Variants in PTPRG observed in about 807,000 individuals in gnomAD.
The protein encoded by PTPRG is receptor-type tyrosine-protein phosphatase gamma.
PTPRG carries 102 observed loss-of-function variants against 165.3 expected under a neutral mutation model. The observed-to-expected ratio is 0.62, with a 90% CI of 0.53 to 0.73. The LOEUF (loss-of-function observed/expected upper bound fraction) is 0.73. Ranked by LOEUF, PTPRG falls within the 30% of genes least tolerant of loss-of-function variation. PTPRG has a pLI of 0.00. For missense variants in PTPRG, 1,866 were observed against 1,861.4 expected, an observed-to-expected ratio of 1.00 and a Z score of -0.05; for synonymous variants, 675 against 669.5, an observed-to-expected ratio of 1.01 and a Z score of -0.13.
intron 1 of PTPRG, among the ~76,000 whole-genome samples, chr3:61,740,592 A>G (rs2032938883): frequency 6.6e-6 from 1 of 152,092 alleles, no homozygotes; most frequent in African/African-American, 2.4e-5. Context: ...TAAGAGTAAA[A>G]TAATAGAGGA....
At position 62,190,817 on chromosome 3, in the gene PTPRG, G is replaced by C. The variant is rs1699791402; in HGVS notation, c.1034-652G>C. 6.6e-6 allele frequency among the ~76,000 whole-genome samples: 1 copy of C among 152,238 alleles called. No homozygotes were observed. Among genetic ancestry groups the C allele is most frequent in the Non-Finnish European group, 1.5e-5 (1 of 68,040 alleles). On this transcript the variant is annotated intron_variant, in intron 8 of 29. Coordinates refer to ENST00000474889, the MANE Select transcript of PTPRG (RefSeq NM_002841.4). This position sits in a 1 kb window ranked among gnomAD's most constrained non-coding sequence, Gnocchi z 5.2. The stretch of plus-strand genomic sequence containing the variant: ...CATGAAGAAAAAGGCTGTTGACCAT[G>C]AGGCTGAAGTCAGGGGGACACAGTG...
At chr3:61,882,882 C>G (rs1483330059) in intron 2 of PTPRG, among the ~76,000 whole-genome samples, 3 of 152,178 alleles carry the variant, frequency 2.0e-5, no homozygotes, top group Admixed American at 2.0e-4. Context: ...CAGTATTCAG[C>G]CTTCATTTTC....
At chr3:61,681,222 G>C (rs1290199098) in intron 1 of PTPRG, among the ~76,000 whole-genome samples, 1 of 152,130 alleles carries the variant, frequency 6.6e-6, no homozygotes. Context: ...TCTGCGTTTA[G>C]AATAAATGGC....
chr3:61,937,131 C>A lies in PTPRG; in HGVS notation c.191-52494C>A, dbSNP rs2039500910. On this transcript the variant is annotated intron_variant, in intron 2 of 29. Transcript: ENST00000474889. ...TGAGATGTAGCATCAAAGGAAATCA[C>A]TGGGGATATTCAGTTGCTAAAGTCT... 2.6e-5 allele frequency among the ~76,000 whole-genome samples: 4 copies of A among 152,310 alleles called. No homozygotes were observed. The South Asian group carries it at 8.3e-4, about 32-fold the overall frequency.
At chr3:62,172,733 G>GA (rs35728798) in intron 8 of PTPRG, among the ~76,000 whole-genome samples, 1 of 151,908 alleles carries the variant, frequency 6.6e-6, no homozygotes, top group Non-Finnish European at 1.5e-5. Flanking sequence ...ACTCTTCTGC[G>GA]AAAAAAAGTT....
chr3:61,817,226 A>G lies in PTPRG; in HGVS notation c.190+68244A>G, dbSNP rs112816916. 6.4e-5 allele frequency among the ~76,000 whole-genome samples: 9 copies of G among 140,882 alleles called. No individual in the cohort carries two copies. In the Middle Eastern group the frequency reaches 0.011, roughly 169 times the overall value. 92.4% of individuals were successfully genotyped at this position (140,882 alleles called of 152,430 possible). ...ATAATATAATAATATATATAAATATATATTTATAGAGAGCTGTTGGGAATC... is the reference window on the plus strand; with the variant it reads ...ATAATATAATAATATATATAAATATGTATTTATAGAGAGCTGTTGGGAATC... On this transcript the variant is annotated intron_variant, in intron 2 of 29. Coordinates refer to ENST00000474889, the MANE Select transcript of PTPRG (RefSeq NM_002841.4).
At chr3:62,159,822 G>A (rs1380726235) in intron 7 of PTPRG, among the ~76,000 whole-genome samples, 2 of 152,132 alleles carry the variant, frequency 1.3e-5, no homozygotes, top group East Asian at 3.9e-4. Flanking sequence ...CTCTCCCAAG[G>A]GAGGAAAACA....
intron 2 of PTPRG, among the ~76,000 whole-genome samples, chr3:61,944,944 T>C (rs1417649245): frequency 2.0e-5 from 3 of 152,194 alleles, no homozygotes; most frequent in Non-Finnish European, 4.4e-5. Flanking sequence ...CTCCCTGCTG[T>C]CTGTCCTACA....
chr3:61,863,162 G>GAC (rs1227586647), intron 2 of PTPRG, among the ~76,000 whole-genome samples: 20 of 152,340 alleles, frequency 1.3e-4, no homozygotes, highest in Admixed American at 1.0e-3. Context: ...TCTCTGGGCT[G>GAC]CCAGTGCTTA....
chr3:61,910,073 T>A (rs1559683261), intron 2 of PTPRG, among the ~76,000 whole-genome samples: 1 of 152,200 alleles, frequency 6.6e-6, no homozygotes, highest in Non-Finnish European at 1.5e-5. Flanking sequence ...TTTAATTCAC[T>A]TATTTTTGTG....
At chr3:62,026,516 C>G (rs1244036528) in intron 4 of PTPRG, among the ~76,000 whole-genome samples, 1 of 152,128 alleles carries the variant, frequency 6.6e-6, no homozygotes, top group East Asian at 1.9e-4. Context: ...GGTTTGAATG[C>G]TGGGCCCTGT....
intron 1 of PTPRG, among the ~76,000 whole-genome samples, chr3:61,647,421 G>A (rs1702228316): frequency 6.6e-6 from 1 of 152,146 alleles, no homozygotes. Flanking sequence ...TCTAAAGAAG[G>A]AAACTGAGCC....
intron 4 of PTPRG, among the ~76,000 whole-genome samples, chr3:62,026,778 C>G (rs578149508): frequency 6.7e-6 from 1 of 150,290 alleles, no homozygotes; most frequent in Non-Finnish European, 1.5e-5. Context: ...CCCAGCTACT[C>G]AGGAGTCTGA....
rs114581419 is a variant in PTPRG, at chr3:62,014,888, A to G, written c.519+11391A>G. Among the ~76,000 whole-genome samples the G allele has an allele frequency of 7.6e-3, 1,160 of 152,360 alleles. 18 individuals carry two copies. The highest frequency in any genetic ancestry group is 0.026 in the African/African-American group (1,072 of 41,574). ...CTTATTCTATCTAAATTATCTGCCT[A>G]AAAGTTGACTTAGGAAATGCTGCAT... On this transcript the variant is annotated intron_variant, in intron 4 of 29. Transcript: ENST00000474889.
intron 1 of PTPRG, among the ~76,000 whole-genome samples, chr3:61,683,211 C>G (rs1477599268): frequency 6.6e-6 from 1 of 152,168 alleles, no homozygotes; most frequent in Non-Finnish European, 1.5e-5. Flanking sequence ...CTATAAAGAT[C>G]AGCACAATGG....
At chr3:62,029,174 G>T (rs912353082) in intron 4 of PTPRG, among the ~76,000 whole-genome samples, 1 of 152,156 alleles carries the variant, frequency 6.6e-6, no homozygotes, top group African/African-American at 2.4e-5. Flanking sequence ...AGGGCCAGAT[G>T]CATCTAGGAT....
chr3:62,121,034 C>T (rs1320858470), intron 5 of PTPRG, among the ~76,000 whole-genome samples: 8 of 151,670 alleles, frequency 5.3e-5, no homozygotes, highest in African/African-American at 1.5e-4. Context: ...AAGCTGTGCC[C>T]CCCGGGTTCA....
intron 4 of PTPRG, among the ~76,000 whole-genome samples, chr3:62,016,609 C>T (rs1461673357): frequency 6.6e-6 from 1 of 152,216 alleles, no homozygotes; most frequent in Non-Finnish European, 1.5e-5. Context: ...GCTATAGATT[C>T]TAAAAAAGGT....
chr3:62,022,160 G>A (rs2041710389), intron 4 of PTPRG, among the ~76,000 whole-genome samples: 2 of 152,254 alleles, frequency 1.3e-5, no homozygotes, highest in Non-Finnish European at 1.5e-5. Context: ...GGGTACCATT[G>A]CTGTCTCATT....
Sources: gnomAD v4.1 joint callset for allele counts (sites outside exome capture counted in the v4.1 genomes callset) on GRCh38, gnomAD v4.1.1 for gene constraint, Gnocchi (gnomAD v3.1) non-coding constraint, MANE v1.5 for transcripts, NCBI Gene and HGNC (gene_info 2026-07-23, HGNC 2026-07-21) for gene names.